DIP2B: variants seen among roughly 807,000 people sequenced by gnomAD.
The protein encoded by DIP2B is disco-interacting protein 2 homolog B.
A neutral mutation model predicts 198.0 loss-of-function variants in DIP2B; 76 were observed. The ratio of observed to expected loss-of-function variants is 0.38; its 90% CI spans 0.32 to 0.46. The LOEUF is 0.46. DIP2B is among the 20% of genes least tolerant of loss of function. The pLI, the probability that DIP2B is intolerant of heterozygous loss-of-function variation, is 0.99. For missense variants in DIP2B, 1,559 were observed against 1,978.4 expected, an observed-to-expected ratio of 0.79 and a Z score of 4.02; for synonymous variants, 701 against 739.1, an observed-to-expected ratio of 0.95 and a Z score of 0.84.
intron 16 of DIP2B, 70 bp downstream of exon 16, chr12:50,696,037 C>A: frequency 3.1e-6 from 5 of 1,592,330 alleles, no homozygotes; most frequent in Non-Finnish European, 4.3e-6. Flanking sequence ...TCGCCCTGTA[C>A]TAAGATATAA....
rs1475291213 is a variant in DIP2B, at chr12:50,747,423, A to C, written c.*2584A>C. 2 of 152,360 alleles carry C rather than the reference A, an allele frequency of 1.3e-5. No homozygotes were observed. The highest frequency in any genetic ancestry group is 6.5e-5 in the Admixed American group (1 of 15,302). The allele number at this position is 152,360 out of a possible 1,614,324, so 9.4% of individuals were successfully genotyped here. A position where few individuals can be genotyped will look rare whatever the true frequency, so the allele number is the denominator to read the frequency against. ...GCCAGAATCTGCTCATGGAGGAAGG[A>C]AGGCTAAGAACTGTCCTTGAGGAAC... On this transcript the variant is annotated 3_prime_UTR_variant, in exon 38 of 38. Coordinates refer to ENST00000301180, the MANE Select transcript of DIP2B (RefSeq NM_173602.3).
intron 3 of DIP2B, among the ~76,000 whole-genome samples, chr12:50,649,880 AATCAGAG>A (rs1439285243): frequency 6.6e-6 from 1 of 152,040 alleles, no homozygotes; most frequent in Non-Finnish European, 1.5e-5. Context: ...AAACTTCAAA[AATCAGAG>A]ATCTTATGTA....
chr12:50,734,411 AAGTATAATAGTT>A (rs1259482035), intron 33 of DIP2B, among the ~76,000 whole-genome samples: 3 of 152,230 alleles, frequency 2.0e-5, no homozygotes, highest in African/African-American at 7.2e-5. Context: ...TTTAATATTA[AAGTATAATAGTT>A]ATTGCCCATA....
At chr12:50,623,704 C>G (rs911203364) in intron 1 of DIP2B, among the ~76,000 whole-genome samples, 1 of 152,282 alleles carries the variant, frequency 6.6e-6, no homozygotes. Flanking sequence ...GCCTTTTACA[C>G]GTAATGTATT....
intron 1 of DIP2B, among the ~76,000 whole-genome samples, chr12:50,611,198 A>G (rs893326623): frequency 1.3e-5 from 2 of 152,184 alleles, no homozygotes; most frequent in African/African-American, 4.8e-5. Context: ...ACATTGGCGG[A>G]TAGGTGTTTA....
At chr12:50,738,498 T>G (rs1172902788) in intron 35 of DIP2B, among the ~76,000 whole-genome samples, 1 of 152,102 alleles carries the variant, frequency 6.6e-6, no homozygotes, top group Admixed American at 6.5e-5. Flanking sequence ...AATTTTTTTT[T>G]TCTGAGACAG....
At chr12:50,660,649 C>T (rs1938629916) in intron 4 of DIP2B, among the ~76,000 whole-genome samples, 1 of 151,894 alleles carries the variant, frequency 6.6e-6, no homozygotes, top group East Asian at 1.9e-4. Context: ...TAAATAGCCA[C>T]TTTCATTGTC....
intron 2 of DIP2B, among the ~76,000 whole-genome samples, chr12:50,628,748 A>AT (rs1565850426): frequency 6.6e-6 from 1 of 152,004 alleles, no homozygotes; most frequent in East Asian, 1.9e-4. Context: ...CTTAAACACT[A>AT]TTTTCTCAAA....
intron 22 of DIP2B, among the ~76,000 whole-genome samples, chr12:50,710,569 A>C (rs1450497177): frequency 1.3e-5 from 2 of 151,992 alleles, no homozygotes; most frequent in Non-Finnish European, 2.9e-5. Context: ...AATTACAGGC[A>C]CCTGCCACCA....
chr12:50,552,071 AC>A (rs1001597750), intron 1 of DIP2B, among the ~76,000 whole-genome samples: 1 of 152,060 alleles, frequency 6.6e-6, no homozygotes, highest in Non-Finnish European at 1.5e-5. Context: ...ACTTGTTATT[AC>A]TTGTTGTTTT....
intron 1 of DIP2B, among the ~76,000 whole-genome samples, chr12:50,618,635 A>G (rs981571551): frequency 1.3e-5 from 2 of 152,224 alleles, no homozygotes; most frequent in African/African-American, 2.4e-5. Flanking sequence ...GCCTGGATTC[A>G]AATCCTGATC....
chr12:50,623,547 ACTCT>A (rs1470848257), intron 1 of DIP2B, among the ~76,000 whole-genome samples: 1 of 148,800 alleles, frequency 6.7e-6, no homozygotes, highest in African/African-American at 2.5e-5. Flanking sequence ...ACACACACAC[ACTCT>A]CACTCACCCA....
At chr12:50,710,371 T>A (rs1939593738) in intron 22 of DIP2B, among the ~76,000 whole-genome samples, 1 of 152,088 alleles carries the variant, frequency 6.6e-6, no homozygotes, top group South Asian at 2.1e-4. Flanking sequence ...TTAATAGCAG[T>A]GTTGTAGAAA....
intron 1 of DIP2B, among the ~76,000 whole-genome samples, chr12:50,575,271 CACA>C (rs1408411033): frequency 1.3e-5 from 2 of 152,268 alleles, no homozygotes; most frequent in Middle Eastern, 3.4e-3. Context: ...TAGCCACCCC[CACA>C]ACAACAACTC....
At chr12:50,681,100 A>AT (rs942938352) in intron 9 of DIP2B, among the ~76,000 whole-genome samples, 15 of 152,224 alleles carry the variant, frequency 9.9e-5, no homozygotes, top group African/African-American at 3.6e-4. Flanking sequence ...TTACTCTCTG[A>AT]TTTTTTTATT....
Position 50,698,398 on chromosome 12 carries a change from A to G in DIP2B, c.2119A>G (p.Ile707Val), listed in dbSNP as rs1297246827. ...LSMNGLSYGVIRVNTEDKNSA... is the reference protein window; with the variant it reads ...LSMNGLSYGVVRVNTEDKNSA... Reference sequence around the variant, plus strand: ...AATGAATGGATTGAGCTATGGGGTAATACGGGTCAATACTGAAGATAAAAA... The same window carrying G: ...AATGAATGGATTGAGCTATGGGGTAGTACGGGTCAATACTGAAGATAAAAA... The change falls in exon 18 of 38, where the codon ATA (isoleucine) becomes GTA (valine). Residue 707 changes from isoleucine (I) to valine (V), a missense_variant. Coordinates refer to ENST00000301180, the MANE Select transcript of DIP2B (RefSeq NM_173602.3). 1.2e-6 allele frequency: 2 copies of G among 1,614,082 alleles called. No homozygotes were observed. The highest frequency in any genetic ancestry group is 1.1e-5 in the South Asian group (1 of 91,058).
At chr12:50,544,630 T>C (rs35641245) in intron 1 of DIP2B, among the ~76,000 whole-genome samples, 18 of 96,428 alleles carry the variant, frequency 1.9e-4, no homozygotes, top group South Asian at 7.5e-4. Flanking sequence ...TTTTCTTTTT[T>C]TTTTTTTTTT....
rs143288958 is a variant in DIP2B at position 50,632,976 on chromosome 12, G to T, written c.172+6929G>T. 7.5e-3 allele frequency among the ~76,000 whole-genome samples: 1,137 copies of T among 151,360 alleles called. 28 individuals carry two copies. The highest frequency in any genetic ancestry group is 0.06 in the South Asian group (287 of 4,774). On this transcript the variant is annotated intron_variant, in intron 2 of 37. Coordinates refer to ENST00000301180, the MANE Select transcript of DIP2B (RefSeq NM_173602.3). ...AAAAAATAATTAGAGACAGGATCTC[G>T]CTATGTTGCTCAGGCTGGTCTCAAA... is the stretch of plus-strand genomic sequence containing the variant.
intron 1 of DIP2B, among the ~76,000 whole-genome samples, chr12:50,575,221 T>C (rs1386026924): frequency 6.6e-6 from 1 of 152,164 alleles, no homozygotes. Context: ...GCTCTCTATT[T>C]AGCAGTTCCA....
Sources: gnomAD v4.1 joint callset for allele counts (sites outside exome capture counted in the v4.1 genomes callset) on GRCh38, gnomAD v4.1.1 for gene constraint, MANE v1.5 for transcripts, NCBI Gene and HGNC (gene_info 2026-07-23, HGNC 2026-07-21) for gene names.